CNOT4: variants seen among roughly 807,000 people sequenced by gnomAD.
CNOT4 encodes the protein CCR4-NOT transcription complex subunit 4.
A neutral mutation model predicts 73.8 loss-of-function variants in CNOT4; 8 were observed. That is an observed-to-expected ratio of 0.11 (90% confidence interval 0.06 to 0.20). The LOEUF (loss-of-function observed/expected upper bound fraction) is 0.20, where lower values mean the gene tolerates loss of function less well. Ranked by LOEUF, CNOT4 falls within the 10% of genes least tolerant of loss-of-function variation. The pLI is 1.00. For missense variants in CNOT4, 564 were observed against 883.4 expected, an observed-to-expected ratio of 0.64 and a Z score of 4.58; for synonymous variants, 293 against 321.1, an observed-to-expected ratio of 0.91 and a Z score of 0.94.
chr7:135,438,488 G>C, intron 1 of CNOT4, 65 bp from the exon 2 acceptor site: 1 of 471,736 alleles, frequency 2.1e-6, no homozygotes, highest in Non-Finnish European at 3.5e-6. Context: ...ACAATTAAGA[G>C]TCACACTGTC....
intron 10 of CNOT4, among the ~76,000 whole-genome samples, chr7:135,392,584 AG>A (rs1245968138): frequency 1.1e-4 from 16 of 152,288 alleles, no homozygotes; most frequent in African/African-American, 3.8e-4. Flanking sequence ...TTGTTTCACA[AG>A]TAAGTATCAT....
chr7:135,448,250 A>C (rs1166890962), intron 1 of CNOT4, among the ~76,000 whole-genome samples: 1 of 152,198 alleles, frequency 6.6e-6, no homozygotes, highest in Non-Finnish European at 1.5e-5. Flanking sequence ...AGCCATGTAA[A>C]GAAATAGGAA....
At chr7:135,409,744 A>G (rs1207976368) in intron 7 of CNOT4, among the ~76,000 whole-genome samples, 2 of 152,158 alleles carry the variant, frequency 1.3e-5, no homozygotes, top group African/African-American at 4.8e-5. Flanking sequence ...AATTCATTTG[A>G]TAAAAGTTAA....
At chr7:135,500,123 TA>T (rs952933574) in intron 1 of CNOT4, among the ~76,000 whole-genome samples, 20 of 152,322 alleles carry the variant, frequency 1.3e-4, no homozygotes, top group African/African-American at 4.8e-4. Context: ...ATAGGTCCTA[TA>T]TTTTATAATA....
chr7:135,471,832 G>A (rs1215455477), intron 1 of CNOT4, among the ~76,000 whole-genome samples: 1 of 152,182 alleles, frequency 6.6e-6, no homozygotes. Flanking sequence ...CCTATGCCTA[G>A]CGGAGAGTTG....
At chr7:135,456,601 G>A (rs1335308282) in intron 1 of CNOT4, among the ~76,000 whole-genome samples, 1 of 151,962 alleles carries the variant, frequency 6.6e-6, no homozygotes, top group Non-Finnish European at 1.5e-5. Context: ...GGAAGCTCAA[G>A]TCCCTTATAT....
At chr7:135,472,951 G>C (rs953268149) in intron 1 of CNOT4, among the ~76,000 whole-genome samples, 4 of 151,882 alleles carry the variant, frequency 2.6e-5, no homozygotes, top group African/African-American at 9.7e-5. Context: ...TGAGGTGGGA[G>C]GATTGCCTGA....
chr7:135,461,677 C>T (rs1453376898), intron 1 of CNOT4, among the ~76,000 whole-genome samples: 3 of 151,950 alleles, frequency 2.0e-5, no homozygotes, highest in Admixed American at 6.6e-5. Flanking sequence ...ACTAAAAATG[C>T]AAAAATTAGC....
chr7:135,421,408 C>T (rs985135509), intron 3 of CNOT4, among the ~76,000 whole-genome samples: 2 of 152,050 alleles, frequency 1.3e-5, no homozygotes, highest in South Asian at 2.1e-4. Context: ...CTCTGCCTGT[C>T]GATCAGCTTA....
intron 1 of CNOT4, among the ~76,000 whole-genome samples, chr7:135,489,433 TC>T (rs948090387): frequency 2.1e-5 from 3 of 143,240 alleles, no homozygotes; most frequent in African/African-American, 5.3e-5. Flanking sequence ...TCTCGCTCTG[TC>T]CCCCAGGCTG....
At chr7:135,485,371 T>G (rs1585718563) in intron 1 of CNOT4, among the ~76,000 whole-genome samples, 1 of 151,998 alleles carries the variant, frequency 6.6e-6, no homozygotes, top group South Asian at 2.1e-4. Context: ...CAGCTGGCGG[T>G]TTTTTGTTTC....
chr7:135,455,900 T>C (rs948783298), intron 1 of CNOT4, among the ~76,000 whole-genome samples: 4 of 152,080 alleles, frequency 2.6e-5, no homozygotes, highest in African/African-American at 7.2e-5. Flanking sequence ...CTAAAACATA[T>C]AAGCGTGTTA....
intron 7 of CNOT4, among the ~76,000 whole-genome samples, chr7:135,398,826 T>C (rs938787274): frequency 2.0e-5 from 3 of 152,114 alleles, no homozygotes; most frequent in African/African-American, 7.2e-5. Context: ...AATACTGACA[T>C]TTTTCTGGGT....
intron 1 of CNOT4, among the ~76,000 whole-genome samples, chr7:135,490,869 T>C (rs765029086): frequency 3.1e-4 from 47 of 152,222 alleles, no homozygotes; most frequent in Non-Finnish European, 5.7e-4. Context: ...GGAAAACCTG[T>C]TAAAAGGCTG....
In CNOT4 at chr7:135,419,685, T is replaced by C. The variant is rs144569445; in HGVS notation, c.372+2471A>G. Among the ~76,000 whole-genome samples the C allele has an allele frequency of 8.8e-4, 134 of 152,280 alleles. 1 individual carries two copies. The East Asian group carries it at 0.01, about 12-fold the overall frequency. ...TTTCAGTAGTCACTACTTAGATTCATTTCCTTCAATATAATAGTTAAGATT... is the reference window on the plus strand; with the variant it reads ...TTTCAGTAGTCACTACTTAGATTCACTTCCTTCAATATAATAGTTAAGATT... On this transcript the variant is annotated intron_variant, in intron 3 of 11. Transcript: ENST00000541284.
intron 1 of CNOT4, among the ~76,000 whole-genome samples, chr7:135,475,187 A>G (rs1338273545): frequency 6.6e-6 from 1 of 152,226 alleles, no homozygotes. Context: ...CAAATTCTAC[A>G]TTTTAGAATC....
intron 7 of CNOT4, among the ~76,000 whole-genome samples, chr7:135,409,400 C>T (rs1437025262): frequency 6.6e-6 from 1 of 152,024 alleles, no homozygotes; most frequent in African/African-American, 2.4e-5. Context: ...TTATGTTTCG[C>T]TTTGTGGCCT....
At chr7:135,495,504 CAAAAAAA>C (rs150007748) in intron 1 of CNOT4, among the ~76,000 whole-genome samples, 4 of 54,684 alleles carry the variant, frequency 7.3e-5, no homozygotes, top group African/African-American at 2.3e-4. Context: ...GACTCTGCCT[CAAAAAAA>C]AAAAAAAAAA....
chr7:135,506,587 C>T (rs1368388390), intron 1 of CNOT4, among the ~76,000 whole-genome samples: 15 of 152,164 alleles, frequency 9.9e-5, no homozygotes, highest in African/African-American at 3.1e-4. Flanking sequence ...TGGTGGCTCA[C>T]GTCTGTAATC....
Sources: allele counts gnomAD v4.1 joint callset (sites outside exome capture counted in the v4.1 genomes callset), GRCh38; gene constraint gnomAD v4.1.1; transcripts MANE v1.5; gene names NCBI Gene and HGNC (gene_info 2026-07-23, HGNC 2026-07-21).